RFC3: variants seen among roughly 807,000 people sequenced by gnomAD.
The protein encoded by RFC3 is replication factor C subunit 3.
Under a neutral mutation model 45.1 loss-of-function variants are expected in RFC3, and 41 were observed. The ratio of observed to expected loss-of-function variants is 0.91; its 90% CI spans 0.71 to 1.18. The LOEUF is 1.18. Among genes scored for constraint, RFC3 ranks in the 50% most tolerant of loss-of-function variants. The pLI is 0.00. For synonymous variants in RFC3, 149 were observed against 144.0 expected (o/e 1.03, Z -0.25); for missense variants, 423 against 428.1 (o/e 0.99, Z 0.10).
chr13:33,894,956 G>C (rs2082588375), intron 8 of RFC3, among the ~76,000 whole-genome samples: 1 of 152,078 alleles, frequency 6.6e-6, no homozygotes, highest in African/African-American at 2.4e-5. Context: ...TTCACACGTA[G>C]AAGAATGAAC....
chr13:33,825,368 T>A (rs1167388932), intron 3 of RFC3, among the ~76,000 whole-genome samples: 1 of 152,186 alleles, frequency 6.6e-6, no homozygotes, highest in Non-Finnish European at 1.5e-5. Flanking sequence ...AGATCTTTGC[T>A]ATTTTGGGGA....
chr13:33,931,189 AGCTGATGTTACAT>A (rs2137770608), intron 8 of RFC3, among the ~76,000 whole-genome samples: 1 of 152,234 alleles, frequency 6.6e-6, no homozygotes, highest in Admixed American at 6.5e-5. Flanking sequence ...AATTTTCAAG[AGCTGATGTTACAT>A]GCTGCTCACG....
At chr13:33,879,221 C>G (rs923089726) in intron 8 of RFC3, among the ~76,000 whole-genome samples, 3 of 152,094 alleles carry the variant, frequency 2.0e-5, no homozygotes, top group African/African-American at 7.2e-5. Flanking sequence ...ATCTCAGTGA[C>G]TAGACACAAT....
chr13:33,864,392 C>CTT (rs142173956), intron 8 of RFC3, among the ~76,000 whole-genome samples: 398 of 152,218 alleles, frequency 2.6e-3, no homozygotes, highest in African/African-American at 9.1e-3. Flanking sequence ...CTCAAGAACA[C>CTT]GACTGGCATC....
At chr13:33,948,858 A>G (rs1166553380) in intron 8 of RFC3, among the ~76,000 whole-genome samples, 1 of 152,016 alleles carries the variant, frequency 6.6e-6, no homozygotes, top group East Asian at 1.9e-4. Context: ...CAGTGCCTGT[A>G]CCCCCATTGC....
the RFC3 span, among the ~76,000 whole-genome samples, chr13:33,974,018 T>C: frequency 1.3e-5 from 2 of 152,128 alleles, no homozygotes; most frequent in Non-Finnish European, 2.9e-5. Flanking sequence ...ATAGGCCATG[T>C]GCTCTAAGGG....
intron 4 of RFC3, among the ~76,000 whole-genome samples, chr13:33,828,192 T>G (rs1255770187): frequency 6.6e-6 from 1 of 152,098 alleles, no homozygotes; most frequent in Admixed American, 6.5e-5. Flanking sequence ...TGACCTTGTG[T>G]TCTGAGCTCT....
chr13:33,857,034 A>G (rs563187838), intron 8 of RFC3, among the ~76,000 whole-genome samples: 1 of 152,336 alleles, frequency 6.6e-6, no homozygotes, highest in South Asian at 2.1e-4. Flanking sequence ...TTGAATTTTA[A>G]TACATGGGGC....
intron 8 of RFC3, among the ~76,000 whole-genome samples, chr13:33,925,528 A>ATGCATATATAGTG (rs2082804110): frequency 6.9e-6 from 1 of 144,010 alleles, no homozygotes; most frequent in African/African-American, 2.7e-5. Flanking sequence ...TACTATATAC[A>ATGCATATATAGTG]TACATACATA....
In RFC3 at chr13:33,834,999, T is replaced by C; in HGVS notation, c.810-149T>C. On this transcript the variant is annotated intron_variant, in intron 7 of 8. Transcript: ENST00000380071. ...GAAACAGTTATTATTTCTTACTGGA[T>C]TGTTTGTTAATTCATAAAGTTAGGT... 3 of 544,504 alleles carry C rather than the reference T, an allele frequency of 5.5e-6. No individual in the cohort carries two copies. In the South Asian group the frequency reaches 8.1e-5, roughly 15 times the overall value. The allele number at this position is 544,504 out of a possible 1,614,324, so 33.7% of individuals were successfully genotyped here. A position where few individuals can be genotyped will look rare whatever the true frequency, so the allele number is the denominator to read the frequency against.
At chr13:33,936,556 G>A (rs1276762640) in intron 8 of RFC3, among the ~76,000 whole-genome samples, 1 of 152,114 alleles carries the variant, frequency 6.6e-6, no homozygotes, top group Admixed American at 6.6e-5. Context: ...TTTGTCCATA[G>A]AGTTGGAAGC....
intron 8 of RFC3, among the ~76,000 whole-genome samples, chr13:33,889,201 A>T (rs1452766593): frequency 2.0e-5 from 3 of 152,200 alleles, no homozygotes; most frequent in Non-Finnish European, 2.9e-5. Context: ...CAATGCAGTT[A>T]TGTTCACTAC....
At chr13:33,947,613 T>A (rs1168184777) in intron 8 of RFC3, among the ~76,000 whole-genome samples, 1 of 152,126 alleles carries the variant, frequency 6.6e-6, no homozygotes, top group African/African-American at 2.4e-5. Context: ...GTTCAGAACT[T>A]CCTAGCTTGG....
At chr13:33,855,063 A>G (rs1413632593) in intron 8 of RFC3, among the ~76,000 whole-genome samples, 2 of 152,140 alleles carry the variant, frequency 1.3e-5, no homozygotes, top group African/African-American at 2.4e-5. Context: ...AAACAACTCT[A>G]CTTCCCTAAA....
At position 33,868,677 on chromosome 13, in the gene RFC3, A is replaced by G. The variant is rs150115869; in HGVS notation, c.879+33460A>G. ...TTAAACCCCAGAAAATTCTGTAACC[A>G]GTGCTCTTGAGTGGCTTGCTGGAGC... On this transcript the variant is annotated intron_variant, in intron 8 of 8. Coordinates refer to the RFC3 transcript ENST00000434425. Among the ~76,000 whole-genome samples, 84 of 152,328 alleles carry G rather than the reference A, an allele frequency of 5.5e-4. 1 individual carries two copies. The East Asian group carries it at 0.015, about 27-fold the overall frequency.
intron 8 of RFC3, among the ~76,000 whole-genome samples, chr13:33,862,535 G>A (rs1040251286): frequency 2.6e-5 from 4 of 151,876 alleles, no homozygotes; most frequent in Non-Finnish European, 5.9e-5. Flanking sequence ...ATGATTTTAT[G>A]TAAATCAGTA....
chr13:33,942,318 A>G (rs1255386888), intron 8 of RFC3, among the ~76,000 whole-genome samples: 1 of 151,960 alleles, frequency 6.6e-6, no homozygotes, highest in Non-Finnish European at 1.5e-5. Flanking sequence ...TATTTTATTA[A>G]TTTTTATTTT....
intron 8 of RFC3, among the ~76,000 whole-genome samples, chr13:33,868,579 G>A (rs181949297): frequency 3.5e-4 from 53 of 152,286 alleles, no homozygotes; most frequent in Non-Finnish European, 6.6e-4. Context: ...CAACTAATCA[G>A]ACTGGCTGTG....
At chr13:33,895,281 A>C (rs2082590443) in intron 8 of RFC3, among the ~76,000 whole-genome samples, 1 of 152,244 alleles carries the variant, frequency 6.6e-6, no homozygotes, top group South Asian at 2.1e-4. Flanking sequence ...AAAATCTATA[A>C]GAAACTCAAA....
Sources: allele counts gnomAD v4.1 joint callset (sites outside exome capture counted in the v4.1 genomes callset), GRCh38; gene constraint gnomAD v4.1.1; transcripts MANE v1.5; gene names NCBI Gene and HGNC (gene_info 2026-07-23, HGNC 2026-07-21).